Variants in HAO1 observed in about 807,000 individuals in gnomAD.
HAO1 encodes 2-Hydroxyacid oxidase 1.
A neutral mutation model predicts 39.7 loss-of-function variants in HAO1; 34 were observed. That is an observed-to-expected ratio of 0.86 (90% confidence interval 0.65 to 1.14). The LOEUF is 1.14. Ranked by LOEUF, HAO1 falls within the 50% of genes most tolerant of loss-of-function variation. HAO1 has a pLI of 0.00. For missense variants in HAO1, 479 were observed against 464.5 expected (o/e 1.03, Z -0.29); for synonymous variants, 172 against 173.2 (o/e 0.99, Z 0.05).
chr20:7,890,942 A>G (rs908520729), intron 5 of HAO1, among the ~76,000 whole-genome samples: 2 of 152,222 alleles, frequency 1.3e-5, no homozygotes, highest in Non-Finnish European at 2.9e-5. Context: ...TTGTCCACTC[A>G]TTGATTGATG....
At position 7,916,004 on chromosome 20, in the gene HAO1, A is replaced by T. The variant is rs144933772; in HGVS notation, c.290-1585T>A. On this transcript the variant is annotated intron_variant, in intron 2 of 7. Coordinates refer to ENST00000378789, the MANE Select transcript of HAO1 (RefSeq NM_017545.3). ...AAATCTCATAAAATGTGTGTGCTAGATATCCCAAGTAGACACATCCTTTTG... is the reference window on the plus strand; with the variant it reads ...AAATCTCATAAAATGTGTGTGCTAGTTATCCCAAGTAGACACATCCTTTTG... Among the ~76,000 whole-genome samples the T allele has an allele frequency of 3.3e-5, 5 of 152,312 alleles. No homozygotes were observed. The East Asian group carries it at 9.6e-4, about 29-fold the overall frequency.
intron 5 of HAO1, among the ~76,000 whole-genome samples, chr20:7,889,840 G>T (rs1043007742): frequency 2.6e-5 from 4 of 152,148 alleles, no homozygotes; most frequent in Admixed American, 1.3e-4. Context: ...GGGCTTAAAA[G>T]TCTCATTGGC....
chr20:7,917,784 A>G (rs2122781306), intron 2 of HAO1, among the ~76,000 whole-genome samples: 1 of 152,276 alleles, frequency 6.6e-6, no homozygotes, highest in African/African-American at 2.4e-5. Flanking sequence ...ATTCCCTTGA[A>G]CTCATGAGAA....
intron 2 of HAO1, among the ~76,000 whole-genome samples, chr20:7,934,249 G>T (rs1347068947): frequency 1.3e-5 from 2 of 152,204 alleles, no homozygotes; most frequent in South Asian, 2.1e-4. Flanking sequence ...TACAATTTTT[G>T]TCCCTATTTT....
chr20:7,908,317 G>A (rs185481718), intron 3 of HAO1, among the ~76,000 whole-genome samples: 4 of 150,732 alleles, frequency 2.7e-5, no homozygotes, highest in East Asian at 3.9e-4. Context: ...GCTTGAACCC[G>A]GGAGGCGAGG....
Position 7,913,577 on chromosome 20 carries a change from G to C in HAO1, c.545+587C>G, listed in dbSNP as rs144750504. ...TTCACAGCTTGTGGACAGGGTGAAT[G>C]AATGACCTGATGAAACCTTTATAGT... On this transcript the variant is annotated intron_variant, in intron 3 of 7. Coordinates refer to ENST00000378789, the MANE Select transcript of HAO1 (RefSeq NM_017545.3). 1.4e-3 allele frequency among the ~76,000 whole-genome samples: 217 copies of C among 152,294 alleles called. 1 individual carries two copies. The highest frequency in any genetic ancestry group is 5.1e-3 in the African/African-American group (214 of 41,556).
intron 2 of HAO1, among the ~76,000 whole-genome samples, chr20:7,923,057 G>A (rs868425849): frequency 6.6e-6 from 1 of 152,074 alleles, no homozygotes; most frequent in Non-Finnish European, 1.5e-5. Flanking sequence ...CCTGACATAA[G>A]GTAAGTGTAG....
intron 2 of HAO1, among the ~76,000 whole-genome samples, chr20:7,926,792 T>C (rs1034821430): frequency 1.3e-5 from 2 of 152,138 alleles, no homozygotes; most frequent in Non-Finnish European, 2.9e-5. Context: ...TTAGATTTAA[T>C]GGTTTTATGG....
chr20:7,894,545 T>C (rs997072830), intron 5 of HAO1, among the ~76,000 whole-genome samples: 1 of 152,184 alleles, frequency 6.6e-6, no homozygotes, highest in Non-Finnish European at 1.5e-5. Flanking sequence ...ATGATTCCAA[T>C]GTGCAGCCAA....
Position 7,883,482 on chromosome 20 carries a change from T to C in HAO1, c.*111A>G. 1.2e-6 allele frequency: 1 copy of C among 810,174 alleles called. No individual in the cohort carries two copies. The highest frequency in any genetic ancestry group is 2.2e-6 in the Non-Finnish European group (1 of 460,436). 50.2% of individuals were successfully genotyped at this position (810,174 alleles called of 1,614,324 possible). ...ATTTTGTTGGAAAAGAACGACACCCTTTGTATTGAAGTGGGGAATTACAGA... is the reference window on the plus strand; with the variant it reads ...ATTTTGTTGGAAAAGAACGACACCCCTTGTATTGAAGTGGGGAATTACAGA... On this transcript the variant is annotated 3_prime_UTR_variant, in exon 8 of 8. Coordinates refer to ENST00000378789, the MANE Select transcript of HAO1 (RefSeq NM_017545.3).
chr20:7,900,866 A>C (rs1226630671), intron 4 of HAO1, among the ~76,000 whole-genome samples: 1 of 152,208 alleles, frequency 6.6e-6, no homozygotes, highest in Non-Finnish European at 1.5e-5. Flanking sequence ...CTTGTGCCAA[A>C]CAGCTAAGTT....
At position 7,932,668 on chromosome 20, in the gene HAO1, C is replaced by T. The variant is rs540441841; in HGVS notation, c.289+1816G>A. Among the ~76,000 whole-genome samples the T allele has an allele frequency of 3.3e-4, 50 of 152,158 alleles. 1 individual carries two copies. Among genetic ancestry groups the T allele is most frequent in the Admixed American group, 9.2e-4 (14 of 15,292 alleles). On this transcript the variant is annotated intron_variant, in intron 2 of 7. Coordinates refer to ENST00000378789, the MANE Select transcript of HAO1 (RefSeq NM_017545.3). ...AAATATCATTCTACATTATTGCACT[C>T]TTCCTATAGTATAATTTTTAAATTT...
At chr20:7,918,039 A>G (rs977744061) in intron 2 of HAO1, among the ~76,000 whole-genome samples, 1 of 152,212 alleles carries the variant, frequency 6.6e-6, no homozygotes, top group Non-Finnish European at 1.5e-5. Flanking sequence ...TAAGTAAATC[A>G]TACATGGCTG....
At chr20:7,896,247 T>C (rs1170076094) in intron 4 of HAO1, among the ~76,000 whole-genome samples, 1 of 152,132 alleles carries the variant, frequency 6.6e-6, no homozygotes, top group Non-Finnish European at 1.5e-5. Flanking sequence ...AACAAACCAT[T>C]TGCTAAAAGA....
Position 7,914,364 on chromosome 20 carries a change from A to G in HAO1, c.345T>C (p.Ile115=). The G allele has an allele frequency of 6.2e-7, 1 of 1,613,936 alleles. No homozygotes were observed. The change falls in exon 3 of 8, where the codon ATT becomes ATC. Residue 115 remains isoleucine (I), a synonymous_variant. Transcript: ENST00000378789. ...CAGGACCAGCTTCCGCCACTTCTTC[A>G]ATTGAGGAGGTGGCCCAGGAACTCA... ...MMLSSWATSS[I]EEVAEAGPEA...
chr20:7,938,058 T>A (rs192763215), intron 1 of HAO1, among the ~76,000 whole-genome samples: 1 of 152,300 alleles, frequency 6.6e-6, no homozygotes, highest in East Asian at 1.9e-4. Flanking sequence ...GGTGTATAAA[T>A]TTCATAAATG....
intron 2 of HAO1, among the ~76,000 whole-genome samples, chr20:7,918,270 T>C (rs1468096630): frequency 1.3e-5 from 2 of 152,344 alleles, no homozygotes; most frequent in East Asian, 3.9e-4. Flanking sequence ...AGGAAAATTA[T>C]TGATGAATTA....
At chr20:7,903,856 A>AGTG (rs1568512922) in intron 4 of HAO1, among the ~76,000 whole-genome samples, 3 of 10,356 alleles carry the variant, frequency 2.9e-4, no homozygotes, top group East Asian at 5.7e-3. Context: ...AGATTGTGGT[A>AGTG]GCGGTGGTGG....
At chr20:7,893,849 T>A (rs2122754904) in intron 5 of HAO1, among the ~76,000 whole-genome samples, 1 of 152,190 alleles carries the variant, frequency 6.6e-6, no homozygotes, top group South Asian at 2.1e-4. Context: ...CTATTGCAAT[T>A]CCCCGTCTTG....
Sources: allele counts gnomAD v4.1 joint callset (sites outside exome capture counted in the v4.1 genomes callset), GRCh38; gene constraint gnomAD v4.1.1; transcripts MANE v1.5; gene names NCBI Gene and HGNC (gene_info 2026-07-23, HGNC 2026-07-21).